CADM2: variants seen among roughly 807,000 people sequenced by gnomAD.
The protein encoded by CADM2 is cell adhesion molecule 2.
Under a neutral mutation model 49.8 loss-of-function variants are expected in CADM2, and 12 were observed. That is an observed-to-expected ratio of 0.24 (90% CI 0.15 to 0.39). The LOEUF is 0.39. Ranked by LOEUF, CADM2 falls within the 10% of genes least tolerant of loss-of-function variation. The probability of loss-of-function intolerance (pLI) is 1.00; values close to 1 mark genes in which losing one functional copy is unlikely to be tolerated. For synonymous variants in CADM2, 214 were observed against 175.4 expected (o/e 1.22, Z -1.74); for missense variants, 378 against 492.3 (o/e 0.77, Z 2.20).
At chr3:85,313,746 A>C (rs914478010) in intron 1 of CADM2, among the ~76,000 whole-genome samples, 1 of 152,182 alleles carries the variant, frequency 6.6e-6, no homozygotes, top group Non-Finnish European at 1.5e-5. Flanking sequence ...ACTGATGGGA[A>C]TTAATTCTTC....
At chr3:85,514,731 A>G (rs569198860) in intron 1 of CADM2, among the ~76,000 whole-genome samples, 2 of 152,222 alleles carry the variant, frequency 1.3e-5, no homozygotes, top group South Asian at 4.1e-4. Context: ...AATTGCTTTT[A>G]TAATCTCAAT....
intron 5 of CADM2, among the ~76,000 whole-genome samples, chr3:85,911,925 T>G (rs1296374003): frequency 6.6e-6 from 1 of 151,264 alleles, no homozygotes; most frequent in Non-Finnish European, 1.5e-5. Flanking sequence ...TTTTTAATTT[T>G]TTTTATTATT....
At chr3:85,173,872 T>A (rs1373334110) in intron 1 of CADM2, among the ~76,000 whole-genome samples, 1 of 152,192 alleles carries the variant, frequency 6.6e-6, no homozygotes, top group African/African-American at 2.4e-5. Context: ...TGTCTAAATC[T>A]ATAGATAAAT....
chr3:85,267,462 C>G (rs1352408530), intron 1 of CADM2, among the ~76,000 whole-genome samples: 1 of 151,744 alleles, frequency 6.6e-6, no homozygotes, highest in Non-Finnish European at 1.5e-5. Context: ...AAATGTCATC[C>G]TCCCAGAGCA....
chr3:85,483,322 G>A (rs1050707209), intron 1 of CADM2, among the ~76,000 whole-genome samples: 5 of 151,208 alleles, frequency 3.3e-5, no homozygotes, highest in Non-Finnish European at 7.4e-5. Flanking sequence ...ACTTAATTGT[G>A]TATGATGATT....
intron 8 of CADM2, among the ~76,000 whole-genome samples, chr3:86,004,851 G>A (rs973429539): frequency 6.6e-6 from 1 of 152,122 alleles, no homozygotes; most frequent in East Asian, 1.9e-4. Context: ...TCCTACCTGG[G>A]CATTCTGTGC....
intron 1 of CADM2, among the ~76,000 whole-genome samples, chr3:85,684,410 T>G (rs1370798244): frequency 6.6e-6 from 1 of 151,782 alleles, no homozygotes; most frequent in Non-Finnish European, 1.5e-5. Flanking sequence ...TAACTCCCTA[T>G]AGGTTTAGCA....
chr3:85,538,233 A>G (rs1163152282), intron 1 of CADM2, among the ~76,000 whole-genome samples: 1 of 152,172 alleles, frequency 6.6e-6, no homozygotes, highest in Non-Finnish European at 1.5e-5. Flanking sequence ...ATAAGAACTC[A>G]CACTCATATA....
At chr3:85,422,840 A>G (rs1468526784) in intron 1 of CADM2, among the ~76,000 whole-genome samples, 1 of 150,320 alleles carries the variant, frequency 6.7e-6, no homozygotes, top group Non-Finnish European at 1.5e-5. Context: ...TGGGGCTTCA[A>G]CCCCACGGCA....
At chr3:85,341,001 G>T (rs957189435) in intron 1 of CADM2, among the ~76,000 whole-genome samples, 1 of 151,532 alleles carries the variant, frequency 6.6e-6, no homozygotes, top group Non-Finnish European at 1.5e-5. Flanking sequence ...TTACATTGTT[G>T]TAATACTAAA....
intron 7 of CADM2, among the ~76,000 whole-genome samples, chr3:85,944,212 CAA>C (rs1553711482): frequency 6.6e-6 from 1 of 151,894 alleles, no homozygotes; most frequent in Non-Finnish European, 1.5e-5. Flanking sequence ...AATTCGACAA[CAA>C]GAGCGAACTA....
At chr3:85,411,503 G>A (rs12639001) in intron 1 of CADM2, among the ~76,000 whole-genome samples, 117,912 of 152,176 alleles carry the variant, frequency 0.77, 47,841 homozygotes, top group East Asian at 0.95. Flanking sequence ...ATTCTTTACG[G>A]AGAAAGTGAT....
Position 85,855,621 on chromosome 3 carries a change from C to CATAT in CADM2, c.239-27653_239-27650dup, listed in dbSNP as rs142144366. 1.6e-3 allele frequency among the ~76,000 whole-genome samples: 89 copies of CATAT among 54,012 alleles called. 1 individual carries two copies. The highest frequency in any genetic ancestry group is 3.2e-3 in the African/African-American group (70 of 21,820). The allele number at this position is 54,012 out of a possible 152,430, so 35.4% of individuals were successfully genotyped here. A position where few individuals can be genotyped will look rare whatever the true frequency, so the allele number is the denominator to read the frequency against. ...ATAAAACATATATATATATATAAAACATATATATATATATATATATTTTGA... is the reference window on the plus strand; with the variant it reads ...ATAAAACATATATATATATATAAAACATATATATATATATATATATATATTTTGA... On this transcript the variant is annotated intron_variant, in intron 3 of 9. Transcript: ENST00000383699.
chr3:85,793,305 G>T (rs1029903989), intron 2 of CADM2, among the ~76,000 whole-genome samples: 1 of 152,114 alleles, frequency 6.6e-6, no homozygotes, highest in African/African-American at 2.4e-5. Context: ...TCAACCACTG[G>T]TGTTAGTTAG....
chr3:85,786,729 A>G (rs868599616), intron 2 of CADM2, among the ~76,000 whole-genome samples: 1 of 152,046 alleles, frequency 6.6e-6, no homozygotes, highest in Non-Finnish European at 1.5e-5. Flanking sequence ...GCAGTATCTT[A>G]TGTCTGTCAG....
chr3:86,031,158 A>G (rs1347285312), intron 8 of CADM2, among the ~76,000 whole-genome samples: 3 of 151,864 alleles, frequency 2.0e-5, no homozygotes, highest in Non-Finnish European at 4.4e-5. Flanking sequence ...GTAGATTTAG[A>G]ATGCCAAATA....
intron 8 of CADM2, among the ~76,000 whole-genome samples, chr3:85,990,173 A>G (rs28409297): frequency 6.6e-6 from 1 of 152,132 alleles, no homozygotes; most frequent in Non-Finnish European, 1.5e-5. Flanking sequence ...TCACGATGGC[A>G]CAAAAGTGAT....
At chr3:85,991,323 G>C (rs935687027) in intron 8 of CADM2, among the ~76,000 whole-genome samples, 3 of 151,970 alleles carry the variant, frequency 2.0e-5, no homozygotes, top group African/African-American at 7.3e-5. Context: ...ATTCTGTTTA[G>C]TTTGTTTTAT....
At chr3:85,651,906 C>T (rs2065052041) in intron 1 of CADM2, among the ~76,000 whole-genome samples, 1 of 151,198 alleles carries the variant, frequency 6.6e-6, no homozygotes, top group South Asian at 2.1e-4. Flanking sequence ...CAAGCTCTGC[C>T]TCCCCGGTTC....
Sources: allele counts gnomAD v4.1 joint callset (sites outside exome capture counted in the v4.1 genomes callset), GRCh38; gene constraint gnomAD v4.1.1; transcripts MANE v1.5; gene names NCBI Gene and HGNC (gene_info 2026-07-23, HGNC 2026-07-21).